The following MMRN2 variants were observed in gnomAD, a reference collection of about 807,000 sequenced individuals.
MMRN2 encodes multimerin 2, also known as multimerin-2.
In MMRN2, 53 loss-of-function variants were observed where a neutral mutation model predicts 68.8. That is an observed-to-expected ratio of 0.77 (90% CI 0.62 to 0.97). The LOEUF (loss-of-function observed/expected upper bound fraction) is 0.97, where lower values mean the gene tolerates loss of function less well. MMRN2 is among the 50% of genes least tolerant of loss of function. The pLI is 0.00. For missense variants in MMRN2, 1,266 were observed against 1,259.5 expected, an observed-to-expected ratio of 1.01 and a Z score of -0.08; for synonymous variants, 564 against 551.6, an observed-to-expected ratio of 1.02 and a Z score of -0.32.
At chr10:86,956,773 G>T (rs1251290864) in intron 1 of MMRN2, among the ~76,000 whole-genome samples, 2 of 152,218 alleles carry the variant, frequency 1.3e-5, no homozygotes, top group African/African-American at 4.8e-5. Context: ...GAGATGAGGG[G>T]GGACTTACAG....
At chr10:86,939,886 T>C (rs1467526567) in intron 6 of MMRN2, among the ~76,000 whole-genome samples, 1 of 151,496 alleles carries the variant, frequency 6.6e-6, no homozygotes, top group African/African-American at 2.4e-5. Context: ...AGTCCTACTC[T>C]GCCGCCCAGG....
At chr10:86,944,713 C>T (rs1644660335) in intron 4 of MMRN2, 1 of 476,694 alleles carries the variant, frequency 2.1e-6, no homozygotes, top group Non-Finnish European at 3.7e-6. Flanking sequence ...CTTGGCAGCC[C>T]TTGTCAATAA....
At chr10:86,948,000 G>A (rs187337471) in intron 1 of MMRN2, among the ~76,000 whole-genome samples, 1 of 152,264 alleles carries the variant, frequency 6.6e-6, no homozygotes, top group Admixed American at 6.5e-5. Context: ...TTGGGAGGCT[G>A]AGGTGGGAGG....
At chr10:86,939,620 C>T (rs1160408689) in intron 6 of MMRN2, among the ~76,000 whole-genome samples, 1 of 152,122 alleles carries the variant, frequency 6.6e-6, no homozygotes, top group Admixed American at 6.5e-5. Context: ...GCCCTCGTTC[C>T]GGCCGTTCCG....
At chr10:86,942,079 G>A (rs759210487) in intron 6 of MMRN2, among the ~76,000 whole-genome samples, 3 of 152,140 alleles carry the variant, frequency 2.0e-5, no homozygotes, top group Non-Finnish European at 4.4e-5. Context: ...AGGCTATGCC[G>A]CTCACGGGCT....
chr10:86,941,259 C>T (rs929558624), intron 6 of MMRN2, among the ~76,000 whole-genome samples: 4 of 152,192 alleles, frequency 2.6e-5, no homozygotes, highest in African/African-American at 9.7e-5. Context: ...GTTCCAAGAC[C>T]TTAGCAGGTG....
intron 1 of MMRN2, among the ~76,000 whole-genome samples, chr10:86,956,171 A>G (rs1039006874): frequency 1.4e-4 from 5 of 36,710 alleles, no homozygotes; most frequent in African/African-American, 2.2e-4. Flanking sequence ...CCGCCCCACC[A>G]CCGAGAATCA....
intron 1 of MMRN2, among the ~76,000 whole-genome samples, chr10:86,955,408 C>T (rs1844208263): frequency 6.6e-6 from 1 of 152,216 alleles, no homozygotes; most frequent in Non-Finnish European, 1.5e-5. Flanking sequence ...CGCTTCTCCA[C>T]CTCAGGGAAG....
Position 86,945,534 on chromosome 10 carries a change from G to A in MMRN2, c.293+27C>T, listed in dbSNP as rs1437636312. 3.2e-6 allele frequency: 5 copies of A among 1,569,874 alleles called. No individual in the cohort carries two copies. In the South Asian group the frequency reaches 5.8e-5, roughly 18 times the overall value. On this transcript the variant is annotated intron_variant, in intron 2 of 6. Transcript: ENST00000372027. ...CAGGGAGGGCCCGCTCCAGGCCTGG[G>A]CAAATGGCCCACCCTCCCCTACTCA...
chr10:86,956,615 C>G (rs901543479), intron 1 of MMRN2, among the ~76,000 whole-genome samples: 1 of 152,220 alleles, frequency 6.6e-6, no homozygotes, highest in Non-Finnish European at 1.5e-5. Flanking sequence ...TGGCCTTGGG[C>G]AAGCCCCTCA....
chr10:86,936,786 A>C lies in MMRN2; in HGVS notation c.2807T>G (p.Leu936Arg). The change falls in exon 7 of 7, where the codon CTG becomes CGG. Residue 936 changes from leucine (L) to arginine (R), a missense_variant. Coordinates refer to ENST00000372027, the MANE Select transcript of MMRN2 (RefSeq NM_024756.3). ...LTQGSITKRSLSGTAFGGFLM... is the reference protein window; with the variant it reads ...LTQGSITKRSRSGTAFGGFLM... ...GAAGCCCCCAAATGCAGTGCCCGACAGGCTTCTCTTTGTTATTGATCCCTG... is the reference window on the plus strand; with the variant it reads ...GAAGCCCCCAAATGCAGTGCCCGACCGGCTTCTCTTTGTTATTGATCCCTG... 6.2e-7 allele frequency: 1 copy of C among 1,614,192 alleles called. No individual in the cohort carries two copies. The highest frequency in any genetic ancestry group is 8.5e-7 in the Non-Finnish European group (1 of 1,180,026).
intron 4 of MMRN2, among the ~76,000 whole-genome samples, chr10:86,944,866 G>A (rs962975248): frequency 4.6e-5 from 7 of 152,252 alleles, no homozygotes; most frequent in Non-Finnish European, 8.8e-5. Flanking sequence ...GCTCTGGTTA[G>A]GGCTGTGGGA....
chr10:86,939,696 T>C (rs1843936237), intron 6 of MMRN2, among the ~76,000 whole-genome samples: 1 of 150,814 alleles, frequency 6.6e-6, no homozygotes, highest in South Asian at 2.1e-4. Flanking sequence ...GCCTTGCGCC[T>C]GACAGGCCCT....
chr10:86,955,898 G>A (rs543661367), intron 1 of MMRN2, among the ~76,000 whole-genome samples: 3 of 152,222 alleles, frequency 2.0e-5, no homozygotes, highest in East Asian at 3.9e-4. Flanking sequence ...GAAGGACTGC[G>A]GGGCCCCTGC....
chr10:86,951,026 T>G (rs1339534664), intron 1 of MMRN2, among the ~76,000 whole-genome samples: 3 of 151,938 alleles, frequency 2.0e-5, no homozygotes, highest in African/African-American at 7.3e-5. Context: ...AGGTGGAGGT[T>G]GCAGTGAGCC....
chr10:86,943,126 T>C lies in MMRN2; in HGVS notation c.1658A>G (p.Glu553Gly), dbSNP rs1844002565. The change falls in exon 6 of 7, where the codon GAG becomes GGG. Residue 553 changes from glutamate to glycine, a missense_variant. Transcript: ENST00000372027. The surrounding 1 kb of genome is among the most constrained non-coding windows in gnomAD (Gnocchi z 4.2). ...VSLAVDAHKA[E>G]GERARAATSR... ...CGTGGCCGCCCGCGCCCGCTCGCCC[T>C]CCGCTTTGTGCGCGTCCACGGCCAG... The C allele has an allele frequency of 5.8e-6, 9 of 1,563,310 alleles. No homozygotes were observed. The highest frequency in any genetic ancestry group is 7.8e-6 in the Non-Finnish European group (9 of 1,159,004).
In MMRN2 at chr10:86,943,723, A is replaced by G. The variant is rs772420435; in HGVS notation, c.1061T>C (p.Val354Ala). 5.6e-6 allele frequency: 9 copies of G among 1,608,866 alleles called. No individual in the cohort carries two copies. The Admixed American group carries it at 6.7e-5, about 12-fold the overall frequency. The change falls in exon 6 of 7, where the codon GTG becomes GCG. Residue 354 changes from valine to alanine, a missense_variant. Transcript: ENST00000372027. This position sits in a 1 kb window ranked among gnomAD's most constrained non-coding sequence, Gnocchi z 4.2. ...QEAPGTNGSL[V>A]LATPGAGARP... ...TGCCCCAGCCCCAGGCGTTGCCAACACCAGACTGCCATTGGTCCCTGGGGC... is the reference window on the plus strand; with the variant it reads ...TGCCCCAGCCCCAGGCGTTGCCAACGCCAGACTGCCATTGGTCCCTGGGGC...
In MMRN2 at chr10:86,943,003, C is replaced by A; in HGVS notation, c.1781G>T (p.Ser594Ile). The A allele has an allele frequency of 7.0e-7, 1 of 1,421,240 alleles. No homozygotes were observed. The highest frequency in any genetic ancestry group is 9.2e-7 in the Non-Finnish European group (1 of 1,087,396). The allele number at this position is 1,421,240 out of a possible 1,614,324, so 88.0% of individuals were successfully genotyped here. A position where few individuals can be genotyped will look rare whatever the true frequency, so the allele number is the denominator to read the frequency against. Reference sequence around the variant, plus strand: ...GTCCTCCAGCAGGGCGGCGAAGGCGCTGTGCAGCTGGCGCACCTCGTGGCG... The same window carrying A: ...GTCCTCCAGCAGGGCGGCGAAGGCGATGTGCAGCTGGCGCACCTCGTGGCG... ...EARHEVRQLH[S>I]AFAALLEDAL... The change falls in exon 6 of 7, where the codon AGC becomes ATC. Residue 594 changes from serine to isoleucine, a missense_variant. Transcript: ENST00000372027. The surrounding 1 kb of genome is among the most constrained non-coding windows in gnomAD (Gnocchi z 4.2).
intron 1 of MMRN2, chr10:86,954,057 A>C (rs1006486839): frequency 2.6e-5 from 4 of 152,834 alleles, no homozygotes; most frequent in Non-Finnish European, 5.8e-5. Flanking sequence ...GGCTTCCTCC[A>C]GCTCTTGGCA....
Sources: allele counts gnomAD v4.1 joint callset (sites outside exome capture counted in the v4.1 genomes callset), GRCh38; gene constraint gnomAD v4.1.1; non-coding constraint Gnocchi (gnomAD v3.1); transcripts MANE v1.5; gene names NCBI Gene and HGNC (gene_info 2026-07-23, HGNC 2026-07-21).